The following RPS6KA5 variants were observed in gnomAD, a reference collection of about 807,000 sequenced individuals.
RPS6KA5 encodes ribosomal protein S6 kinase alpha-5.
Under a neutral mutation model 85.5 loss-of-function variants are expected in RPS6KA5, and 27 were observed. The ratio of observed to expected loss-of-function variants is 0.32; its 90% CI spans 0.23 to 0.44. The LOEUF (loss-of-function observed/expected upper bound fraction) is 0.44. RPS6KA5 is among the 20% of genes least tolerant of loss of function. RPS6KA5 has a pLI of 1.00. For synonymous variants in RPS6KA5, 334 were observed against 348.2 expected, an observed-to-expected ratio of 0.96 and a Z score of 0.46; for missense variants, 811 against 980.9, an observed-to-expected ratio of 0.83 and a Z score of 2.31.
At chr14:90,970,660 A>C (rs1420478416) in intron 3 of RPS6KA5, among the ~76,000 whole-genome samples, 1 of 152,206 alleles carries the variant, frequency 6.6e-6, no homozygotes. Context: ...TTTACAGATT[A>C]TTTTCCACAT....
intron 2 of RPS6KA5, among the ~76,000 whole-genome samples, chr14:90,996,366 T>C (rs1293881188): frequency 6.6e-6 from 1 of 152,126 alleles, no homozygotes; most frequent in Non-Finnish European, 1.5e-5. Flanking sequence ...GATCAATGAA[T>C]AGGATTAGTC....
chr14:91,055,502 G>T (rs142019971), intron 1 of RPS6KA5, among the ~76,000 whole-genome samples: 1 of 152,092 alleles, frequency 6.6e-6, no homozygotes, highest in African/African-American at 2.4e-5. Flanking sequence ...TAATTTTGCC[G>T]GGCAGGTTGG....
intron 2 of RPS6KA5, among the ~76,000 whole-genome samples, chr14:90,988,782 C>T (rs1484736026): frequency 6.6e-6 from 1 of 152,140 alleles, no homozygotes; most frequent in African/African-American, 2.4e-5. Context: ...CACTGCACTC[C>T]AGTCTGTGCA....
chr14:91,050,719 G>A (rs866949891), intron 1 of RPS6KA5, among the ~76,000 whole-genome samples: 3 of 152,058 alleles, frequency 2.0e-5, no homozygotes, highest in South Asian at 2.1e-4. Context: ...GTGAGCCACC[G>A]CGCCCAGCCG....
chr14:91,020,170 T>C (rs2041683162), intron 1 of RPS6KA5, among the ~76,000 whole-genome samples: 2 of 148,996 alleles, frequency 1.3e-5, no homozygotes, highest in Non-Finnish European at 3.0e-5. Flanking sequence ...CTGTGGCACA[T>C]GACCATTTGT....
intron 13 of RPS6KA5, chr14:90,893,928 A>G (rs889149604): frequency 1.3e-6 from 1 of 775,992 alleles, no homozygotes; most frequent in Non-Finnish European, 1.6e-6. Flanking sequence ...AGAAAAGCAC[A>G]TAGAAAGACG....
At chr14:90,883,775 G>T (rs972002882) in intron 14 of RPS6KA5, among the ~76,000 whole-genome samples, 3 of 152,054 alleles carry the variant, frequency 2.0e-5, no homozygotes, top group African/African-American at 7.2e-5. Flanking sequence ...CTTCCCTAGG[G>T]TTTGCTTTTT....
chr14:90,879,228 T>C (rs1000161743), intron 14 of RPS6KA5, among the ~76,000 whole-genome samples: 1 of 152,246 alleles, frequency 6.6e-6, no homozygotes, highest in African/African-American at 2.4e-5. Flanking sequence ...ACACTCAGAA[T>C]CTGCCCTGGG....
intron 2 of RPS6KA5, among the ~76,000 whole-genome samples, chr14:90,983,803 C>CTCTG (rs2039922748): frequency 8.1e-6 from 1 of 123,674 alleles, no homozygotes; most frequent in Non-Finnish European, 1.7e-5. Flanking sequence ...CTCTCTCTCT[C>CTCTG]TCTCTCTCTC....
At chr14:91,025,358 G>A (rs1303505011) in intron 1 of RPS6KA5, among the ~76,000 whole-genome samples, 1 of 151,888 alleles carries the variant, frequency 6.6e-6, no homozygotes, top group Non-Finnish European at 1.5e-5. Flanking sequence ...TTTTTTCATT[G>A]AGTCTCTTAA....
intron 2 of RPS6KA5, among the ~76,000 whole-genome samples, chr14:90,991,771 C>G (rs1595420829): frequency 6.7e-6 from 1 of 149,306 alleles, no homozygotes; most frequent in Admixed American, 6.7e-5. Flanking sequence ...AAAAAGAATC[C>G]AAAATTATTT....
At chr14:90,892,361 CTT>C (rs2034611322) in intron 13 of RPS6KA5, among the ~76,000 whole-genome samples, 2 of 152,146 alleles carry the variant, frequency 1.3e-5, no homozygotes, top group Non-Finnish European at 2.9e-5. Context: ...AATTTGGTGA[CTT>C]TAATCCATTC....
At chr14:91,044,707 C>A (rs1454290907) in intron 1 of RPS6KA5, among the ~76,000 whole-genome samples, 1 of 151,780 alleles carries the variant, frequency 6.6e-6, no homozygotes, top group Non-Finnish European at 1.5e-5. Flanking sequence ...CCCGTCTGTA[C>A]TAAAACTATA....
chr14:91,057,228 T>G (rs1398627828), intron 1 of RPS6KA5, among the ~76,000 whole-genome samples: 1 of 152,100 alleles, frequency 6.6e-6, no homozygotes, highest in Non-Finnish European at 1.5e-5. Context: ...ATTCAAGAAA[T>G]GTATGTTTAA....
intron 1 of RPS6KA5, among the ~76,000 whole-genome samples, chr14:91,038,740 C>T (rs35204031): frequency 1.3e-5 from 2 of 152,230 alleles, no homozygotes; most frequent in African/African-American, 2.4e-5. Context: ...TGCTGCTTCA[C>T]TTCTGTCTTC....
At chr14:91,044,146 G>A (rs2139902644) in intron 1 of RPS6KA5, among the ~76,000 whole-genome samples, 1 of 151,892 alleles carries the variant, frequency 6.6e-6, no homozygotes, top group African/African-American at 2.4e-5. Flanking sequence ...AGAATCGCTT[G>A]AACCCAGGAG....
intron 14 of RPS6KA5, among the ~76,000 whole-genome samples, chr14:90,879,650 G>A (rs921744387): frequency 6.6e-5 from 10 of 152,150 alleles, no homozygotes; most frequent in African/African-American, 2.4e-4. Context: ...AGTAGCACAT[G>A]CTCTGCTCTC....
At chr14:90,921,194 T>C (rs1339217074) in intron 6 of RPS6KA5, among the ~76,000 whole-genome samples, 1 of 152,038 alleles carries the variant, frequency 6.6e-6, no homozygotes, top group African/African-American at 2.4e-5. Flanking sequence ...TTCAGAGAGG[T>C]GACAAAATTT....
At chr14:90,982,526 T>C (rs2039840893) in intron 2 of RPS6KA5, among the ~76,000 whole-genome samples, 1 of 152,216 alleles carries the variant, frequency 6.6e-6, no homozygotes, top group South Asian at 2.1e-4. Context: ...TTAAAGAAAC[T>C]ACCTTCATGC....
Sources: allele counts gnomAD v4.1 joint callset (sites outside exome capture counted in the v4.1 genomes callset), GRCh38; gene constraint gnomAD v4.1.1; transcripts MANE v1.5; gene names NCBI Gene and HGNC (gene_info 2026-07-23, HGNC 2026-07-21).